CTNNA3: variants seen among roughly 807,000 people sequenced by gnomAD.
CTNNA3 encodes the protein catenin alpha 3, also known as catenin alpha-3.
Under a neutral mutation model 95.7 loss-of-function variants are expected in CTNNA3, and 76 were observed. That is an observed-to-expected ratio of 0.79 (90% CI 0.66 to 0.96). CTNNA3 has a LOEUF of 0.96. Among genes scored for constraint, CTNNA3 ranks in the 40% least tolerant of loss-of-function variants. CTNNA3 has a pLI of 0.00. For missense variants in CTNNA3, 1,191 were observed against 1,089.8 expected (o/e 1.09, Z -1.31); for synonymous variants, 431 against 374.4 (o/e 1.15, Z -1.74).
At chr10:66,678,526 T>C (rs1237672343) in intron 9 of CTNNA3, among the ~76,000 whole-genome samples, 1 of 152,180 alleles carries the variant, frequency 6.6e-6, no homozygotes, top group Non-Finnish European at 1.5e-5. Flanking sequence ...TTTATAAGTA[T>C]GTTATATGAA....
intron 9 of CTNNA3, among the ~76,000 whole-genome samples, chr10:66,727,943 A>AC (rs1312456547): frequency 6.6e-6 from 1 of 152,222 alleles, no homozygotes; most frequent in Non-Finnish European, 1.5e-5. Context: ...ATAAAAAGCC[A>AC]CATTTTTAAT....
Position 66,057,967 on chromosome 10 carries a change from G to A in CTNNA3, c.2159+11341C>T, listed in dbSNP as rs149037405. 6.4e-3 allele frequency among the ~76,000 whole-genome samples: 975 copies of A among 152,218 alleles called. 7 individuals are homozygous for A. The highest frequency in any genetic ancestry group is 0.022 in the African/African-American group (917 of 41,528). On this transcript the variant is annotated intron_variant, in intron 15 of 17. Transcript: ENST00000433211. ...AGTAATGTAAAAAATGGACTTCTCTGCCTTTACAGTTTAAATCATAAGACA... is the reference window on the plus strand; with the variant it reads ...AGTAATGTAAAAAATGGACTTCTCTACCTTTACAGTTTAAATCATAAGACA...
chr10:66,404,384 G>A (rs946761476), intron 11 of CTNNA3, among the ~76,000 whole-genome samples: 2 of 152,136 alleles, frequency 1.3e-5, no homozygotes, highest in African/African-American at 2.4e-5. Context: ...TGTGGTCTCA[G>A]TAGTTTGATT....
chr10:66,488,708 GCTGT>G (rs1341216683), intron 11 of CTNNA3, among the ~76,000 whole-genome samples: 1 of 151,956 alleles, frequency 6.6e-6, no homozygotes, highest in East Asian at 1.9e-4. Flanking sequence ...ATTTTAAACA[GCTGT>G]CTAATAGATT....
intron 7 of CTNNA3, among the ~76,000 whole-genome samples, chr10:67,087,405 T>G (rs927868794): frequency 3.9e-5 from 6 of 152,004 alleles, no homozygotes; most frequent in Non-Finnish European, 7.4e-5. Flanking sequence ...ACACATAACA[T>G]TTTGCAATTT....
chr10:67,243,461 G>A (rs978091673), intron 5 of CTNNA3, among the ~76,000 whole-genome samples: 1 of 152,108 alleles, frequency 6.6e-6, no homozygotes, highest in Non-Finnish European at 1.5e-5. Context: ...AGAACTTTTT[G>A]ACCAATCTTT....
intron 11 of CTNNA3, among the ~76,000 whole-genome samples, chr10:66,513,529 C>T (rs1387085592): frequency 1.3e-5 from 2 of 152,176 alleles, no homozygotes; most frequent in Non-Finnish European, 2.9e-5. Flanking sequence ...TGGACCAGTT[C>T]TCAGGATCCT....
intron 9 of CTNNA3, among the ~76,000 whole-genome samples, chr10:66,644,290 CTG>C (rs201515493): frequency 0.18 from 16,671 of 92,944 alleles, 1,493 homozygotes; most frequent in African/African-American, 0.36. Context: ...GTCTGTCTGT[CTG>C]TCTCTCTCTC....
chr10:67,135,527 T>G (rs956712543), intron 7 of CTNNA3, among the ~76,000 whole-genome samples: 1 of 151,834 alleles, frequency 6.6e-6, no homozygotes, highest in African/African-American at 2.4e-5. Context: ...ATAAAATAAT[T>G]AAAGGGGTAT....
At chr10:66,450,741 C>T (rs1273363986) in intron 11 of CTNNA3, among the ~76,000 whole-genome samples, 1 of 152,062 alleles carries the variant, frequency 6.6e-6, no homozygotes, top group East Asian at 1.9e-4. Flanking sequence ...TGCCTCATTT[C>T]CTCACAAGCT....
At chr10:67,539,192 TA>T (rs1840581268) in intron 4 of CTNNA3, among the ~76,000 whole-genome samples, 1 of 152,110 alleles carries the variant, frequency 6.6e-6, no homozygotes, top group Admixed American at 6.5e-5. Context: ...ATATATTATC[TA>T]TATAATTATG....
At chr10:66,148,201 A>G (rs2083997968) in intron 13 of CTNNA3, among the ~76,000 whole-genome samples, 1 of 152,048 alleles carries the variant, frequency 6.6e-6, no homozygotes, top group Middle Eastern at 3.2e-3. Flanking sequence ...CATTTACAAT[A>G]AAAACATTTT....
chr10:66,464,365 G>A (rs1384726628), intron 11 of CTNNA3, among the ~76,000 whole-genome samples: 4 of 152,032 alleles, frequency 2.6e-5, no homozygotes, highest in Admixed American at 1.3e-4. Context: ...ACTCATACTT[G>A]CTTCTTTCTG....
intron 13 of CTNNA3, among the ~76,000 whole-genome samples, chr10:66,171,484 T>C (rs1217545420): frequency 6.6e-6 from 1 of 150,788 alleles, no homozygotes; most frequent in Non-Finnish European, 1.5e-5. Flanking sequence ...AGGCGGAAGT[T>C]GCAGTGAGCA....
chr10:66,145,417 C>G (rs1200465268), intron 13 of CTNNA3, among the ~76,000 whole-genome samples: 1 of 152,166 alleles, frequency 6.6e-6, no homozygotes, highest in Non-Finnish European at 1.5e-5. Context: ...GAGAGGTTTG[C>G]TTTGCCCCAG....
At chr10:67,359,069 A>G (rs1041914734) in intron 5 of CTNNA3, among the ~76,000 whole-genome samples, 1 of 152,122 alleles carries the variant, frequency 6.6e-6, no homozygotes, top group African/African-American at 2.4e-5. Context: ...TTCCATAAAT[A>G]TGCATCACCT....
At chr10:66,507,814 C>T (rs577849786) in intron 11 of CTNNA3, among the ~76,000 whole-genome samples, 3 of 152,050 alleles carry the variant, frequency 2.0e-5, no homozygotes, top group African/African-American at 4.8e-5. Context: ...ATAAACATGG[C>T]AGTACAGATA....
chr10:66,216,940 G>A (rs879561369), intron 13 of CTNNA3, among the ~76,000 whole-genome samples: 10 of 152,018 alleles, frequency 6.6e-5, no homozygotes, highest in Non-Finnish European at 1.5e-4. Context: ...TCCTTATCAC[G>A]AAGATCTCCC....
chr10:66,829,119 A>G (rs937644428), intron 7 of CTNNA3, among the ~76,000 whole-genome samples: 4 of 152,218 alleles, frequency 2.6e-5, no homozygotes, highest in Admixed American at 6.5e-5. Flanking sequence ...ACTCCATGTC[A>G]ATAGCTAGAA....
Sources: gnomAD v4.1 joint callset for allele counts (sites outside exome capture counted in the v4.1 genomes callset) on GRCh38, gnomAD v4.1.1 for gene constraint, MANE v1.5 for transcripts, NCBI Gene and HGNC (gene_info 2026-07-23, HGNC 2026-07-21) for gene names.